Variants in ZNF804B observed in about 807,000 individuals in gnomAD.
ZNF804B encodes the protein zinc finger 804B.
Under a neutral mutation model 101.4 loss-of-function variants are expected in ZNF804B, and 80 were observed. The ratio of observed to expected loss-of-function variants is 0.79; its 90% CI spans 0.66 to 0.95. The LOEUF is 0.95. Ranked by LOEUF, ZNF804B falls within the 40% of genes least tolerant of loss-of-function variation. ZNF804B has a pLI of 0.00. For synonymous variants in ZNF804B, 622 were observed against 558.8 expected (o/e 1.11, Z -1.59); for missense variants, 1,673 against 1,561.9 (o/e 1.07, Z -1.20).
intron 1 of ZNF804B, among the ~76,000 whole-genome samples, chr7:88,977,709 C>CT (rs1246992223): frequency 6.6e-6 from 1 of 150,904 alleles, no homozygotes; most frequent in Non-Finnish European, 1.5e-5. Context: ...CTGTTGTTTT[C>CT]TTTTTTCATT....
intron 1 of ZNF804B, among the ~76,000 whole-genome samples, chr7:88,919,786 C>T (rs1301513129): frequency 5.3e-5 from 8 of 152,028 alleles, no homozygotes; most frequent in African/African-American, 1.9e-4. Context: ...TGATTAACAG[C>T]GTAAGTTCTG....
At chr7:88,991,411 T>C (rs886627181) in intron 1 of ZNF804B, among the ~76,000 whole-genome samples, 5 of 152,124 alleles carry the variant, frequency 3.3e-5, no homozygotes, top group African/African-American at 1.2e-4. Context: ...GTTCCTATAG[T>C]GGATTCAGTG....
chr7:89,117,057 C>T (rs995094447), intron 1 of ZNF804B, among the ~76,000 whole-genome samples: 25 of 152,170 alleles, frequency 1.6e-4, no homozygotes, highest in African/African-American at 5.3e-4. Context: ...TTTGAAGATA[C>T]GAACCTTGAA....
At chr7:89,060,721 A>G (rs1031523074) in intron 1 of ZNF804B, among the ~76,000 whole-genome samples, 1 of 152,148 alleles carries the variant, frequency 6.6e-6, no homozygotes, top group Non-Finnish European at 1.5e-5. Flanking sequence ...TTGTACGAAG[A>G]TTTTTAGAGT....
intron 1 of ZNF804B, among the ~76,000 whole-genome samples, chr7:89,166,124 T>G (rs1791139808): frequency 6.6e-6 from 1 of 152,164 alleles, no homozygotes; most frequent in African/African-American, 2.4e-5. Context: ...ATGCAATGCC[T>G]TCAAGTTAGA....
rs1316948727 is a variant in ZNF804B, at chr7:89,011,785, G to A, written c.109-206370G>A. On this transcript the variant is annotated intron_variant, in intron 1 of 3. Transcript: ENST00000333190. ...ACAGCCCCCCTCGCAGCTTTTATGG[G>A]CTGGCTTTGACTGTCTGTAGCTTTA... Among the ~76,000 whole-genome samples the A allele has an allele frequency of 2.6e-5, 4 of 152,092 alleles. 1 individual carries two copies. In the East Asian group the frequency reaches 5.8e-4, roughly 22 times the overall value.
chr7:89,086,946 C>T (rs1233691789), intron 1 of ZNF804B, among the ~76,000 whole-genome samples: 4 of 150,440 alleles, frequency 2.7e-5, no homozygotes, highest in South Asian at 2.1e-4. Context: ...CAAACCTGCA[C>T]GTTGTGCACA....
chr7:89,119,625 C>G (rs1405764367), intron 1 of ZNF804B, among the ~76,000 whole-genome samples: 1 of 152,032 alleles, frequency 6.6e-6, no homozygotes, highest in Non-Finnish European at 1.5e-5. Flanking sequence ...TTTACTGTTT[C>G]CTTTTATAAG....
At chr7:89,191,214 A>C (rs896269023) in intron 1 of ZNF804B, among the ~76,000 whole-genome samples, 2 of 152,180 alleles carry the variant, frequency 1.3e-5, no homozygotes, top group East Asian at 3.8e-4. Context: ...TAGCTATGTA[A>C]AGTATTCATA....
At chr7:89,228,608 G>A (rs1789133728) in intron 2 of ZNF804B, among the ~76,000 whole-genome samples, 1 of 152,094 alleles carries the variant, frequency 6.6e-6, no homozygotes, top group Admixed American at 6.5e-5. Context: ...CAAACCTTGA[G>A]CTAGTTACAG....
At chr7:89,106,181 G>A (rs1257227639) in intron 1 of ZNF804B, among the ~76,000 whole-genome samples, 1 of 152,094 alleles carries the variant, frequency 6.6e-6, no homozygotes, top group Non-Finnish European at 1.5e-5. Flanking sequence ...GCATCTATGG[G>A]TACTCAAGAA....
At chr7:88,768,660 A>G (rs10230539) in intron 1 of ZNF804B, among the ~76,000 whole-genome samples, 62,450 of 151,896 alleles carry the variant, frequency 0.41, 15,213 homozygotes, top group African/African-American at 0.68. Context: ...AGAAGTTGCC[A>G]TGAGCCGAGA....
At chr7:89,022,720 T>G (rs1405828305) in intron 1 of ZNF804B, among the ~76,000 whole-genome samples, 1 of 152,208 alleles carries the variant, frequency 6.6e-6, no homozygotes, top group South Asian at 2.1e-4. Context: ...AATACTTAAC[T>G]GTTGTTAACA....
At chr7:88,888,517 T>A (rs1422198706) in intron 1 of ZNF804B, among the ~76,000 whole-genome samples, 2 of 152,172 alleles carry the variant, frequency 1.3e-5, no homozygotes, top group African/African-American at 4.8e-5. Flanking sequence ...TATCCATAAT[T>A]TAGCTCTGAA....
At chr7:88,955,436 G>T (rs764640098) in intron 1 of ZNF804B, among the ~76,000 whole-genome samples, 9 of 151,522 alleles carry the variant, frequency 5.9e-5, no homozygotes, top group Non-Finnish European at 1.3e-4. Flanking sequence ...TATCTAGCTG[G>T]AAAAGCAAGC....
chr7:89,208,663 G>A (rs1256461981), intron 1 of ZNF804B, among the ~76,000 whole-genome samples: 1 of 152,116 alleles, frequency 6.6e-6, no homozygotes, highest in Non-Finnish European at 1.5e-5. Flanking sequence ...TGAAATTGGT[G>A]GTGGCCAACG....
intron 1 of ZNF804B, among the ~76,000 whole-genome samples, chr7:88,999,319 T>A (rs992251707): frequency 6.6e-6 from 1 of 152,022 alleles, no homozygotes; most frequent in African/African-American, 2.4e-5. Flanking sequence ...AAAATTGCTG[T>A]TTTTGTTTCA....
rs558268863 is a variant in ZNF804B at position 89,158,484 on chromosome 7, T to A, written c.109-59671T>A. Among the ~76,000 whole-genome samples the A allele has an allele frequency of 6.6e-5, 10 of 152,150 alleles. 1 individual carries two copies. The highest frequency in any genetic ancestry group is 1.3e-4 in the Non-Finnish European group (9 of 68,022). On this transcript the variant is annotated intron_variant, in intron 1 of 3. Coordinates refer to ENST00000333190, the MANE Select transcript of ZNF804B (RefSeq NM_181646.5). ...TCAGGACCATTGTGTCAATTCCTGCTCCCACCTTCTCTGACCTTGATTATT... is the reference window on the plus strand; with the variant it reads ...TCAGGACCATTGTGTCAATTCCTGCACCCACCTTCTCTGACCTTGATTATT...
At chr7:89,058,292 T>C (rs1789326416) in intron 1 of ZNF804B, among the ~76,000 whole-genome samples, 2 of 152,170 alleles carry the variant, frequency 1.3e-5, no homozygotes, top group African/African-American at 4.8e-5. Flanking sequence ...TTATAATTAC[T>C]GTCATCAGGT....
Sources: gnomAD v4.1 joint callset for allele counts (sites outside exome capture counted in the v4.1 genomes callset) on GRCh38, gnomAD v4.1.1 for gene constraint, MANE v1.5 for transcripts, NCBI Gene and HGNC (gene_info 2026-07-23, HGNC 2026-07-21) for gene names.